Variants in NXPE4 observed in about 807,000 individuals in gnomAD.
NXPE4 encodes the protein neurexophilin and PC-esterase domain family member 4.
A neutral mutation model predicts 33.3 loss-of-function variants in NXPE4; 42 were observed. The ratio of observed to expected loss-of-function variants is 1.26; its 90% CI spans 0.98 to 1.63. The LOEUF is 1.63. NXPE4 is among the 40% of genes most tolerant of loss of function. The pLI, the probability that NXPE4 is intolerant of heterozygous loss-of-function variation, is 0.00. For synonymous variants in NXPE4, 253 were observed against 234.9 expected (o/e 1.08, Z -0.71); for missense variants, 709 against 647.6 (o/e 1.09, Z -1.03).
chr11:114,640,576 A>G, the NXPE4 span, among the ~76,000 whole-genome samples: 1 of 151,808 alleles, frequency 6.6e-6, no homozygotes, highest in African/African-American at 2.4e-5. Context: ...CCCACCCACA[A>G]TGCATAAGTG....
chr11:114,630,100 G>T, the NXPE4 span, among the ~76,000 whole-genome samples: 1 of 151,666 alleles, frequency 6.6e-6, no homozygotes, highest in Non-Finnish European at 1.5e-5. Context: ...TACTGCCCAA[G>T]GTAATTTACA....
chr11:114,651,970 C>T, the NXPE4 span, among the ~76,000 whole-genome samples: 1 of 152,218 alleles, frequency 6.6e-6, no homozygotes, highest in Non-Finnish European at 1.5e-5. Context: ...TTCACAGTGG[C>T]ACTCCAGCTT....
At chr11:114,594,500 C>A (rs1949533839) in intron 2 of NXPE4, among the ~76,000 whole-genome samples, 164 bp downstream of exon 2, 1 of 152,104 alleles carries the variant, frequency 6.6e-6, no homozygotes, top group South Asian at 2.1e-4. Flanking sequence ...AGTATTTATC[C>A]TCTCACATAT....
chr11:114,663,637 C>CTATCATCTATCTACCATCT, the NXPE4 span, among the ~76,000 whole-genome samples: 1 of 138,754 alleles, frequency 7.2e-6, no homozygotes, highest in African/African-American at 2.8e-5. Flanking sequence ...ATCTATCTAT[C>CTATCATCTATCTACCATCT]ATCTATCCAT....
At chr11:114,636,618 C>G in the NXPE4 span, among the ~76,000 whole-genome samples, 1 of 151,984 alleles carries the variant, frequency 6.6e-6, no homozygotes, top group Non-Finnish European at 1.5e-5. Context: ...AAATTTCCCT[C>G]TACACACTGC....
chr11:114,649,573 A>T, the NXPE4 span, among the ~76,000 whole-genome samples: 1 of 152,246 alleles, frequency 6.6e-6, no homozygotes, highest in African/African-American at 2.4e-5. Flanking sequence ...TTGCCTGGGC[A>T]ACTAGGTAAA....
At chr11:114,636,332 C>A in the NXPE4 span, among the ~76,000 whole-genome samples, 584 of 151,782 alleles carry the variant, frequency 3.8e-3, 8 homozygotes, top group Non-Finnish European at 5.2e-3. Flanking sequence ...TTTTTTATTG[C>A]GTCTATTTGA....
the NXPE4 span, among the ~76,000 whole-genome samples, chr11:114,652,010 A>C: frequency 6.6e-6 from 1 of 152,220 alleles, no homozygotes; most frequent in Non-Finnish European, 1.5e-5. Context: ...TGGAACTTGA[A>C]ACTCAATTGG....
At chr11:114,583,960 C>A in intron 2 of NXPE4, 1 of 383,090 alleles carries the variant, frequency 2.6e-6, no homozygotes, top group South Asian at 2.2e-5. Flanking sequence ...ATGATGAGTC[C>A]TATGAGGCCA....
chr11:114,591,537 C>T (rs1488870093), intron 2 of NXPE4, among the ~76,000 whole-genome samples: 2 of 152,110 alleles, frequency 1.3e-5, no homozygotes, highest in Non-Finnish European at 2.9e-5. Flanking sequence ...TGAAGCCCCT[C>T]TAACCTGGGA....
chr11:114,664,059 CA>C, the NXPE4 span, among the ~76,000 whole-genome samples: 1 of 152,208 alleles, frequency 6.6e-6, no homozygotes, highest in East Asian at 1.9e-4. Flanking sequence ...TACGTTCACA[CA>C]AAAGTTTATA....
At chr11:114,592,514 A>AACACAC (rs144805587) in intron 2 of NXPE4, among the ~76,000 whole-genome samples, 90 of 151,084 alleles carry the variant, frequency 6.0e-4, no homozygotes, top group African/African-American at 2.1e-3. Flanking sequence ...GAAATTGGAG[A>AACACAC]ACACACACAC....
the NXPE4 span, among the ~76,000 whole-genome samples, chr11:114,654,770 G>A: frequency 6.6e-6 from 1 of 152,128 alleles, no homozygotes; most frequent in Non-Finnish European, 1.5e-5. Flanking sequence ...AAATAGTGCT[G>A]CAATAAATAT....
At chr11:114,640,711 T>C in the NXPE4 span, among the ~76,000 whole-genome samples, 1 of 152,054 alleles carries the variant, frequency 6.6e-6, no homozygotes, top group Non-Finnish European at 1.5e-5. Flanking sequence ...TGATTAGTGA[T>C]ACTGAGTATT....
At chr11:114,608,942 C>T in the NXPE4 span, among the ~76,000 whole-genome samples, 2 of 149,930 alleles carry the variant, frequency 1.3e-5, no homozygotes. Flanking sequence ...TCGTGGGTAA[C>T]CACTGTTACC....
At chr11:114,623,446 C>A in the NXPE4 span, among the ~76,000 whole-genome samples, 3 of 152,180 alleles carry the variant, frequency 2.0e-5, no homozygotes, top group Admixed American at 2.0e-4. Context: ...TCATGGGTAA[C>A]CACTGTTATC....
chr11:114,676,198 A>G, the NXPE4 span, among the ~76,000 whole-genome samples: 2 of 151,934 alleles, frequency 1.3e-5, no homozygotes, highest in African/African-American at 4.8e-5. Context: ...ATGGTCACTG[A>G]GGTTTTTTTG....
At chr11:114,626,272 C>A in the NXPE4 span, among the ~76,000 whole-genome samples, 1 of 152,236 alleles carries the variant, frequency 6.6e-6, no homozygotes, top group Non-Finnish European at 1.5e-5. Context: ...ACTTAAATGT[C>A]CCAGTCTGAC....
At chr11:114,675,035 G>A in the NXPE4 span, among the ~76,000 whole-genome samples, 1 of 151,588 alleles carries the variant, frequency 6.6e-6, no homozygotes, top group Non-Finnish European at 1.5e-5. Context: ...CATATTAACA[G>A]AATGCAGGAT....
Sources: allele counts gnomAD v4.1 joint callset (sites outside exome capture counted in the v4.1 genomes callset), GRCh38; gene constraint gnomAD v4.1.1; transcripts MANE v1.5; gene names NCBI Gene and HGNC (gene_info 2026-07-23, HGNC 2026-07-21).